The following ADAMTSL2 variants were observed in gnomAD, a reference collection of about 807,000 sequenced individuals.
The protein encoded by ADAMTSL2 is ADAMTS like 2.
Under a neutral mutation model 117.0 loss-of-function variants are expected in ADAMTSL2, and 55 were observed. That is an observed-to-expected ratio of 0.47 (90% CI 0.38 to 0.59). ADAMTSL2 has a LOEUF of 0.59. Among genes scored for constraint, ADAMTSL2 ranks in the 20% least tolerant of loss-of-function variants. The pLI, the probability that ADAMTSL2 is intolerant of heterozygous loss-of-function variation, is 0.00. For missense variants in ADAMTSL2, 1,182 were observed against 1,354.5 expected (o/e 0.87, Z 2.00); for synonymous variants, 572 against 566.4 (o/e 1.01, Z -0.14).
chr9:133,555,124 C>T (rs1830575958), intron 10 of ADAMTSL2, among the ~76,000 whole-genome samples: 2 of 152,130 alleles, frequency 1.3e-5, no homozygotes, highest in Admixed American at 6.5e-5. Context: ...GACCGTGTCA[C>T]TCCAGCCTCT....
At chr9:133,537,631 G>A (rs946593745) in intron 3 of ADAMTSL2, 84 bp downstream of exon 3, 9 of 1,271,752 alleles carry the variant, frequency 7.1e-6, no homozygotes, top group Non-Finnish European at 9.0e-6. Flanking sequence ...CTTCAGCCTG[G>A]TGGCTTCTCC....
intron 16 of ADAMTSL2, among the ~76,000 whole-genome samples, chr9:133,570,040 T>G (rs1261218818): frequency 6.6e-6 from 1 of 152,256 alleles, no homozygotes; most frequent in African/African-American, 2.4e-5. Flanking sequence ...CCGGATAATC[T>G]CGAGCCAAAT....
Position 133,572,744 on chromosome 9 carries a change from C to T in ADAMTSL2, c.2593-1099C>T, listed in dbSNP as rs1021520025. 4.6e-5 allele frequency among the ~76,000 whole-genome samples: 7 copies of T among 152,318 alleles called. No individual in the cohort carries two copies. The South Asian group carries it at 1.2e-3, about 27-fold the overall frequency. On this transcript the variant is annotated intron_variant, in intron 17 of 18. Transcript: ENST00000651351. ...CCAGACGAGGTGCAGCTGGCACAGA[C>T]GGCTGGTGGGCGCGTGGACTCCTTC...
At chr9:133,574,725 C>G in intron 18 of ADAMTSL2, 21 bp from the exon 19 acceptor site, 1 of 1,607,008 alleles carries the variant, frequency 6.2e-7, no homozygotes, top group Non-Finnish European at 8.5e-7. Flanking sequence ...TGCCCTGCTT[C>G]GCTCTGTGTT....
intron 11 of ADAMTSL2, 88 bp from the exon 12 acceptor site, chr9:133,561,110 C>T (rs982602682): frequency 1.6e-5 from 18 of 1,157,804 alleles, no homozygotes; most frequent in African/African-American, 4.6e-5. Context: ...ACATACCCTC[C>T]GAAGAAAACT....
chr9:133,563,818 GGA>G (rs1359493983), intron 12 of ADAMTSL2, among the ~76,000 whole-genome samples: 35 of 33,486 alleles, frequency 1.0e-3, no homozygotes, highest in Admixed American at 1.6e-3. Flanking sequence ...AGAGAAAGGG[GGA>G]GAGAGAGAGA....
chr9:133,570,629 G>A (rs2131185413), intron 17 of ADAMTSL2, 122 bp downstream of exon 17: 2 of 1,116,856 alleles, frequency 1.8e-6, no homozygotes, highest in East Asian at 5.2e-5. Context: ...GCCTCTGTGA[G>A]GGCTTTCCTT....
In ADAMTSL2 at chr9:133,564,625, GGA is replaced by G. The variant is rs377193081; in HGVS notation, c.1748-2297_1748-2296del. Reference sequence around the variant, plus strand: ...GAGAGAGGGAGAGAGAGAGAGAGAGGGAGAGAGAGAGAGAGGGAGAGAGGGAG... The same window carrying G: ...GAGAGAGGGAGAGAGAGAGAGAGAGGGAGAGAGAGAGAGGGAGAGAGGGAG... On this transcript the variant is annotated intron_variant, in intron 12 of 18. Transcript: ENST00000651351. Among the ~76,000 whole-genome samples, 25 of 20,658 alleles carry G rather than the reference GGA, an allele frequency of 1.2e-3. 1 individual carries two copies. Among genetic ancestry groups the G allele is most frequent in the African/African-American group, 2.4e-3 (12 of 5,070 alleles). The allele number at this position is 20,658 out of a possible 152,430, so 13.6% of individuals were successfully genotyped here.
intron 3 of ADAMTSL2, among the ~76,000 whole-genome samples, 190 bp from the exon 4 acceptor site, chr9:133,538,159 A>G (rs1321920825): frequency 6.6e-6 from 1 of 152,260 alleles, no homozygotes; most frequent in Non-Finnish European, 1.5e-5. Context: ...CTGCTGATGT[A>G]GAAGTGAATC....
Position 133,561,191 on chromosome 9 carries a change from C to T in ADAMTSL2, c.1650-7C>T. The T allele has an allele frequency of 5.0e-6, 8 of 1,600,856 alleles. No individual in the cohort carries two copies. The highest frequency in any genetic ancestry group is 6.8e-6 in the Non-Finnish European group (8 of 1,174,004). ...TCATCACCTTCCCTGCTTGGTCTCG[C>T]TTTCAGGACCAGGCCCAAGGCGCGC... On this transcript the variant is annotated splice_polypyrimidine_tract_variant and splice_region_variant and intron_variant, in intron 11 of 18. Coordinates refer to ENST00000651351, the MANE Select transcript of ADAMTSL2 (RefSeq NM_014694.4).
rs1049103843 is a variant in ADAMTSL2, at chr9:133,565,753, G to T, written c.1748-1183G>T. On this transcript the variant is annotated intron_variant, in intron 12 of 18. Coordinates refer to ENST00000651351, the MANE Select transcript of ADAMTSL2 (RefSeq NM_014694.4). ...TGGGTTCTCTGGATATGGGGAAACC[G>T]ATTTCCTTCTGGGGGAACTGGCAGC... is the stretch of plus-strand genomic sequence containing the variant. Among the ~76,000 whole-genome samples the T allele has an allele frequency of 4.5e-4, 69 of 152,280 alleles. No individual in the cohort carries two copies. The Middle Eastern group carries it at 0.01, about 23-fold the overall frequency.
intron 17 of ADAMTSL2, among the ~76,000 whole-genome samples, chr9:133,572,969 C>T (rs1831145290): frequency 6.6e-6 from 1 of 152,252 alleles, no homozygotes; most frequent in Non-Finnish European, 1.5e-5. Flanking sequence ...GCCGTCAGCG[C>T]CAAGCCAGCC....
At position 133,558,415 on chromosome 9, in the gene ADAMTSL2, T is replaced by C. The variant is rs1400744717; in HGVS notation, c.1649+2485T>C. Among the ~76,000 whole-genome samples the C allele has an allele frequency of 1.3e-5, 2 of 152,196 alleles. No individual in the cohort carries two copies. Among genetic ancestry groups the C allele is most frequent in the African/African-American group, 2.4e-5 (1 of 41,432 alleles). On this transcript the variant is annotated intron_variant, in intron 11 of 18. Coordinates refer to ENST00000651351, the MANE Select transcript of ADAMTSL2 (RefSeq NM_014694.4). The surrounding 1 kb of genome is among the most constrained non-coding windows in gnomAD (Gnocchi z 4.3). ...AAGGGGCAGCCCAGAAAGGAAAGGC[T>C]ATTTTCATCTTTCCAGAAAAGCTTC...
chr9:133,573,897 G>C lies in ADAMTSL2; in HGVS notation c.2647G>C (p.Gly883Arg). The C allele has an allele frequency of 6.2e-7, 1 of 1,614,132 alleles. No individual in the cohort carries two copies. Among genetic ancestry groups the C allele is most frequent in the Non-Finnish European group, 8.5e-7 (1 of 1,180,032 alleles). The change falls in exon 18 of 19, where the codon GGG becomes CGG. Residue 883 changes from glycine to arginine, a missense_variant. By Grantham distance (125) the Gly-to-Arg change is moderately radical. Transcript: ENST00000651351. ...VRMRDVKCYQ[G>R]TDIVRGCDPL... ...GATGCGAGACGTCAAGTGCTACCAG[G>C]GGACCGACATCGTCCGTGGTTGCGA...
intron 7 of ADAMTSL2, among the ~76,000 whole-genome samples, chr9:133,542,953 T>TG (rs1830259629): frequency 6.7e-6 from 1 of 149,804 alleles, no homozygotes; most frequent in Non-Finnish European, 1.5e-5. Context: ...TGTCTATAAC[T>TG]ATTTTTTTTT....
rs1429922470 is a variant in ADAMTSL2 at position 133,554,467 on chromosome 9, T to G, written c.1050T>G (p.Ala350=). ...QPIYYGFSES[A]ESQGLDGAGL... is the part of the protein sequence containing the mutation. ...TCTACTATGGCTTCTCCGAGAGCGC[T>G]GAGAGCCAGGGCCTGGACGGGGCCG... is the stretch of plus-strand genomic sequence containing the variant. Residue 350 remains alanine, a synonymous_variant, in exon 10 of 19, where the codon GCT becomes GCG. Transcript: ENST00000651351. This position sits in a 1 kb window ranked among gnomAD's most constrained non-coding sequence, Gnocchi z 5.2. The G allele has an allele frequency of 5.8e-6, 9 of 1,555,238 alleles. No individual in the cohort carries two copies. Among genetic ancestry groups the G allele is most frequent in the South Asian group, 1.2e-5 (1 of 84,468 alleles).
chr9:133,568,670 T>C lies in ADAMTSL2; in HGVS notation c.2156T>C (p.Leu719Pro). The C allele has an allele frequency of 1.2e-6, 2 of 1,613,452 alleles. No homozygotes were observed. The highest frequency in any genetic ancestry group is 1.7e-6 in the Non-Finnish European group (2 of 1,179,980). Residue 719 changes from leucine (L) to proline (P), a missense_variant, in exon 15 of 19, where the codon CTG becomes CCG. By Grantham distance (98) the Leu-to-Pro change is moderately conservative. Around this residue, in one of 3 missense-constraint regions of ADAMTSL2, gnomAD observed 465 missense variants for 565.3 expected, o/e 0.82. Transcript: ENST00000651351. ...RDIRCSEDEK[L>P]CDPNTRPVGE... ...ATCCGCTGCTCGGAGGATGAGAAGCTGTGTGACCCCAACACCAGGCCTGTA... is the reference window on the plus strand; with the variant it reads ...ATCCGCTGCTCGGAGGATGAGAAGCCGTGTGACCCCAACACCAGGCCTGTA...
At chr9:133,564,607 G>GAGGGAGAGAGAGAGA (rs1830906499) in intron 12 of ADAMTSL2, among the ~76,000 whole-genome samples, 1 of 20,544 alleles carries the variant, frequency 4.9e-5, no homozygotes, top group African/African-American at 2.4e-4. Context: ...GGAGAGAGAG[G>GAGGGAGAGAGAGAGA]GAGAGAGAGA....
chr9:133,539,704 G>GT, intron 4 of ADAMTSL2, 67 bp from the exon 5 acceptor site: 1 of 1,445,072 alleles, frequency 6.9e-7, no homozygotes, highest in Non-Finnish European at 9.5e-7. Flanking sequence ...TTCCTGCTTA[G>GT]CCTGGACAAA....
Sources: allele counts gnomAD v4.1 joint callset (sites outside exome capture counted in the v4.1 genomes callset), GRCh38; gene constraint gnomAD v4.1.1; regional missense constraint gnomAD v4.1.1; non-coding constraint Gnocchi (gnomAD v3.1); transcripts MANE v1.5; gene names NCBI Gene and HGNC (gene_info 2026-07-23, HGNC 2026-07-21).